Variants in ZNF215 observed in about 807,000 individuals in gnomAD.
ZNF215 encodes BWSCR2-associated zinc finger protein 2.
In ZNF215, 24 loss-of-function variants were observed where a neutral mutation model predicts 27.2. That is an observed-to-expected ratio of 0.88 (90% CI 0.64 to 1.24). The LOEUF (loss-of-function observed/expected upper bound fraction) is 1.24. Ranked by LOEUF, ZNF215 falls within the 50% of genes most tolerant of loss-of-function variation. The probability of loss-of-function intolerance (pLI) is 0.00; values close to 1 mark genes in which losing one functional copy is unlikely to be tolerated. For missense variants in ZNF215, 675 were observed against 605.7 expected (o/e 1.11, Z -1.20); for synonymous variants, 210 against 204.0 (o/e 1.03, Z -0.25).
chr11:6,941,437 G>A (rs1022577867), intron 3 of ZNF215, 134 bp from the exon 4 acceptor site: 2 of 669,524 alleles, frequency 3.0e-6, no homozygotes, highest in African/African-American at 1.8e-5. Context: ...TGTGATTGCT[G>A]GCAGGGCCTG....
chr11:6,939,807 C>T (rs1004371202), intron 3 of ZNF215, among the ~76,000 whole-genome samples: 130 of 152,240 alleles, frequency 8.5e-4, no homozygotes, highest in African/African-American at 2.8e-3. Context: ...GAGAGATTTG[C>T]ACCTTTCCAA....
intron 5 of ZNF215, among the ~76,000 whole-genome samples, chr11:6,963,093 G>T (rs959708792): frequency 4.6e-5 from 7 of 151,848 alleles, no homozygotes; most frequent in East Asian, 1.9e-4. Context: ...CATCTTTCCT[G>T]GGCATGGGCA....
rs1210902247 is a variant in ZNF215, at chr11:6,956,183, A to G, written c.1206A>G (p.Thr402=). 2 of 1,613,446 alleles carry G rather than the reference A, an allele frequency of 1.2e-6. No homozygotes were observed. The highest frequency in any genetic ancestry group is 1.7e-6 in the Non-Finnish European group (2 of 1,179,902). The change falls in exon 7 of 7, where the codon ACA becomes ACG. Residue 402 remains threonine, a synonymous_variant. Transcript: ENST00000278319. The part of the protein sequence containing the change: ...SSLIRHQIIH[T]GEKPYKCSEC... ...TTATTCGACATCAGATCATTCACACAGGAGAGAAACCCTATAAATGCAGTG... is the reference window on the plus strand; with the variant it reads ...TTATTCGACATCAGATCATTCACACGGGAGAGAAACCCTATAAATGCAGTG...
intron 2 of ZNF215, among the ~76,000 whole-genome samples, chr11:6,930,507 T>C (rs1316967190): frequency 6.6e-6 from 1 of 152,190 alleles, no homozygotes; most frequent in Non-Finnish European, 1.5e-5. Context: ...GAAACCTGGC[T>C]CTTACCACTC....
intron 6 of ZNF215, among the ~76,000 whole-genome samples, chr11:6,952,305 T>G (rs188012341): frequency 4.3e-4 from 65 of 152,232 alleles, no homozygotes; most frequent in African/African-American, 1.4e-3. Flanking sequence ...TTTTCTGTCT[T>G]GTTGATCTAT....
At chr11:6,945,502 C>T (rs926792786) in intron 6 of ZNF215, among the ~76,000 whole-genome samples, 1 of 152,178 alleles carries the variant, frequency 6.6e-6, no homozygotes, top group Admixed American at 6.5e-5. Flanking sequence ...TTAGCTCTTA[C>T]CCCAGACATT....
chr11:6,942,994 G>C, intron 4 of ZNF215, 89 bp from the exon 5 acceptor site: 21 of 1,516,396 alleles, frequency 1.4e-5, no homozygotes, highest in Non-Finnish European at 1.9e-5. Context: ...GTGTATTCTG[G>C]CTCCTACCCT....
chr11:6,992,228 C>T (rs1851123910), downstream of ZNF215, among the ~76,000 whole-genome samples: 2 of 152,164 alleles, frequency 1.3e-5, no homozygotes, highest in Non-Finnish European at 2.9e-5. Context: ...ACTGGCAAGA[C>T]GAGCAGAACC....
intron 5 of ZNF215, among the ~76,000 whole-genome samples, chr11:6,974,299 C>T (rs971219963): frequency 1.6e-4 from 24 of 152,180 alleles, no homozygotes; most frequent in Middle Eastern, 3.4e-3. Context: ...TTACTGTTGC[C>T]TTGTAGTATA....
intron 5 of ZNF215, among the ~76,000 whole-genome samples, chr11:6,970,849 C>T (rs1375893294): frequency 6.6e-6 from 1 of 152,150 alleles, no homozygotes; most frequent in African/African-American, 2.4e-5. Flanking sequence ...TACATGTATA[C>T]ATGTGATAGT....
chr11:6,948,445 G>C (rs2638100), intron 6 of ZNF215, among the ~76,000 whole-genome samples: 35,789 of 152,078 alleles, frequency 0.24, 4,557 homozygotes, highest in African/African-American at 0.32. Context: ...GATTTGATAT[G>C]GGAGACGAAG....
Position 6,932,684 on chromosome 11 carries a change from A to G in ZNF215, c.400+12A>G, listed in dbSNP as rs1345195373. 3 of 1,584,624 alleles carry G rather than the reference A, an allele frequency of 1.9e-6. No homozygotes were observed. The African/African-American group carries it at 4.1e-5, about 22-fold the overall frequency. Reference sequence around the variant, plus strand: ...GCTTGAAGATGAAGGTAAGAATATAAAGAAATTAGAGGTAAAATACTTGAC... The same window carrying G: ...GCTTGAAGATGAAGGTAAGAATATAGAGAAATTAGAGGTAAAATACTTGAC... On this transcript the variant is annotated intron_variant, in intron 3 of 6. Coordinates refer to ENST00000278319, the MANE Select transcript of ZNF215 (RefSeq NM_013250.4).
downstream of ZNF215, among the ~76,000 whole-genome samples, chr11:6,989,890 A>T (rs1424951199): frequency 2.0e-5 from 3 of 152,200 alleles, no homozygotes; most frequent in East Asian, 5.8e-4. Context: ...CATAGGGAGA[A>T]CCTAATGCTC....
intron 4 of ZNF215, among the ~76,000 whole-genome samples, chr11:6,942,797 C>G (rs1849675264): frequency 6.6e-6 from 1 of 152,102 alleles, no homozygotes. Flanking sequence ...TACAGTTATT[C>G]CAGTTGTCTT....
At chr11:6,928,429 G>A (rs549411537) in intron 2 of ZNF215, among the ~76,000 whole-genome samples, 1 of 152,094 alleles carries the variant, frequency 6.6e-6, no homozygotes, top group Admixed American at 6.5e-5. Context: ...CATTTAATGA[G>A]TTATATTTCA....
At position 6,941,580 on chromosome 11, in the gene ZNF215, G is replaced by T; in HGVS notation, c.410G>T (p.Cys137Phe). ...CCTTCATCTTCCTCAGATATGCCCT[G>T]CAAGGACTCTGCCCTGCAGATGGGG... ...IEMLEDEDMP[C>F]KDSALQMGSI... is the part of the protein sequence containing the mutation. The change falls in exon 4 of 7, where the codon TGC becomes TTC. Residue 137 changes from cysteine (C) to phenylalanine (F), a missense_variant. Cys to Phe is a radical substitution (Grantham distance 205, BLOSUM62 -2). Coordinates refer to ENST00000278319, the MANE Select transcript of ZNF215 (RefSeq NM_013250.4). The T allele has an allele frequency of 6.2e-7, 1 of 1,613,906 alleles. No homozygotes were observed. Among genetic ancestry groups the T allele is most frequent in the East Asian group, 2.2e-5 (1 of 44,854 alleles).
intron 6 of ZNF215, among the ~76,000 whole-genome samples, chr11:6,951,015 G>A (rs554871483): frequency 1.3e-5 from 2 of 152,152 alleles, no homozygotes; most frequent in South Asian, 2.1e-4. Context: ...CTTTGGTTCT[G>A]TTTATATGCT....
intron 6 of ZNF215, among the ~76,000 whole-genome samples, chr11:6,947,989 C>T (rs898129381): frequency 3.3e-5 from 5 of 152,158 alleles, no homozygotes; most frequent in African/African-American, 1.2e-4. Context: ...AGGCAACATC[C>T]TGAGAGAAAT....
chr11:6,970,009 T>C (rs916340884), intron 5 of ZNF215, among the ~76,000 whole-genome samples: 6 of 152,122 alleles, frequency 3.9e-5, no homozygotes, highest in Non-Finnish European at 8.8e-5. Context: ...CTCAAACTCA[T>C]GACCTTAAGT....
Sources: gnomAD v4.1 joint callset for allele counts (sites outside exome capture counted in the v4.1 genomes callset) on GRCh38, gnomAD v4.1.1 for gene constraint, MANE v1.5 for transcripts, NCBI Gene and HGNC (gene_info 2026-07-23, HGNC 2026-07-21) for gene names.